The following TFG variants were observed in gnomAD, a reference collection of about 807,000 sequenced individuals.
TFG encodes the protein trafficking from ER to golgi regulator.
In TFG, 22 loss-of-function variants were observed where a neutral mutation model predicts 51.4. That is an observed-to-expected ratio of 0.43 (90% CI 0.31 to 0.61). TFG has a LOEUF of 0.61. Ranked by LOEUF, TFG falls within the 20% of genes least tolerant of loss-of-function variation. TFG has a pLI of 0.12. For synonymous variants in TFG, 187 were observed against 165.6 expected (o/e 1.13, Z -0.99); for missense variants, 419 against 487.7 (o/e 0.86, Z 1.33).
chr3:100,740,857 A>G (rs1011135659), intron 6 of TFG, among the ~76,000 whole-genome samples: 3 of 152,184 alleles, frequency 2.0e-5, no homozygotes, highest in African/African-American at 7.2e-5. Flanking sequence ...TAGCTTATAT[A>G]TAGTCATGCA....
In TFG at chr3:100,730,122, T is replaced by C. The variant is rs115063872; in HGVS notation, c.415+1264T>C. Among the ~76,000 whole-genome samples, 300 of 152,358 alleles carry C rather than the reference T, an allele frequency of 2.0e-3. 1 individual carries two copies. The highest frequency in any genetic ancestry group is 6.9e-3 in the African/African-American group (285 of 41,596). The stretch of plus-strand genomic sequence containing the variant: ...TTTTTCCAGAAGAATTCATAGATGC[T>C]GACACAACATTTGCATATAATTTCA... On this transcript the variant is annotated intron_variant, in intron 4 of 7. Coordinates refer to ENST00000240851, the MANE Select transcript of TFG (RefSeq NM_006070.6).
rs746234370 is a variant in TFG, at chr3:100,728,816, C to G, written c.373C>G (p.Pro125Ala). 2 of 1,610,210 alleles carry G rather than the reference C, an allele frequency of 1.2e-6. No homozygotes were observed. The highest frequency in any genetic ancestry group is 1.7e-6 in the Non-Finnish European group (2 of 1,178,238). ...GAATCGTTTATTGGATAGCTTGGAA[C>G]CACCTGGAGAACCAGGACCTTCCAC... ...KVNRLLDSLEPPGEPGPSTNI... is the reference protein window; with the variant it reads ...KVNRLLDSLEAPGEPGPSTNI... The change falls in exon 4 of 8, where the codon CCA becomes GCA. Residue 125 changes from proline (P) to alanine (A), a missense_variant. Pro to Ala is a conservative substitution (Grantham distance 27). Around this residue, in one of 3 missense-constraint regions of TFG, gnomAD observed 391 missense variants for 434.4 expected, o/e 0.90. Transcript: ENST00000240851.
intron 4 of TFG, among the ~76,000 whole-genome samples, chr3:100,730,123 G>A (rs1263278186): frequency 6.6e-6 from 1 of 152,162 alleles, no homozygotes; most frequent in African/African-American, 2.4e-5. Flanking sequence ...CATAGATGCT[G>A]ACACAACATT....
intron 3 of TFG, among the ~76,000 whole-genome samples, chr3:100,723,750 T>C (rs994925169): frequency 3.3e-5 from 5 of 152,036 alleles, no homozygotes; most frequent in African/African-American, 9.7e-5. Flanking sequence ...ATCAATAAAT[T>C]TACAATTATG....
rs144700412 is a variant in TFG, at chr3:100,717,342, C to T, written c.185-2633C>T. On this transcript the variant is annotated intron_variant, in intron 2 of 7. Coordinates refer to ENST00000240851, the MANE Select transcript of TFG (RefSeq NM_006070.6). ...TATATTTTGAGGTCAGTAAGTGTGA[C>T]ACCTTCAGCTTTGTTCTTTGCTCAG... Among the ~76,000 whole-genome samples, 809 of 152,228 alleles carry T rather than the reference C, an allele frequency of 5.3e-3. 16 individuals are homozygous for T. The highest frequency in any genetic ancestry group is 3.4e-3 in the Non-Finnish European group (229 of 68,010).
At chr3:100,736,249 A>C (rs1036301470) in intron 5 of TFG, among the ~76,000 whole-genome samples, 2 of 152,112 alleles carry the variant, frequency 1.3e-5, no homozygotes, top group African/African-American at 4.8e-5. Context: ...ATGAAGTGAC[A>C]ATTTTGGTTC....
At chr3:100,745,582 C>G (rs529180362) in intron 7 of TFG, among the ~76,000 whole-genome samples, 10 of 152,262 alleles carry the variant, frequency 6.6e-5, no homozygotes, top group African/African-American at 2.4e-4. Context: ...GTAACTTTGG[C>G]TATAATTCCA....
At chr3:100,735,463 A>G (rs2095103866) in intron 5 of TFG, among the ~76,000 whole-genome samples, 1 of 152,314 alleles carries the variant, frequency 6.6e-6, no homozygotes, top group East Asian at 1.9e-4. Context: ...TAATCCTCAC[A>G]ATAACCTTAT....
chr3:100,713,710 G>A lies in TFG; in HGVS notation c.25G>A (p.Gly9Arg), dbSNP rs200716443. The A allele has an allele frequency of 5.0e-6, 8 of 1,607,550 alleles. No individual in the cohort carries two copies. The highest frequency in any genetic ancestry group is 3.3e-5 in the Admixed American group (2 of 59,822). ...CATGAACGGACAGTTGGATCTAAGTGGGAAGCTAATCATCAAAGCTCAACT... is the reference window on the plus strand; with the variant it reads ...CATGAACGGACAGTTGGATCTAAGTAGGAAGCTAATCATCAAAGCTCAACT... MNGQLDLS[G>R]KLIIKAQLGE... is the part of the protein sequence containing the mutation. The change falls in exon 2 of 8, where the codon GGG becomes AGG. Residue 9 changes from glycine to arginine, a missense_variant. Transcript: ENST00000240851.
intron 4 of TFG, among the ~76,000 whole-genome samples, chr3:100,731,338 C>T (rs578170566): frequency 6.6e-6 from 1 of 152,210 alleles, no homozygotes; most frequent in South Asian, 2.1e-4. Context: ...AATTCTTGAA[C>T]TCTTTTTCTT....
intron 4 of TFG, among the ~76,000 whole-genome samples, chr3:100,729,669 TAAAA>T (rs2095086120): frequency 6.6e-6 from 1 of 152,128 alleles, no homozygotes. Context: ...AATAGTAATT[TAAAA>T]AAAGTCTAGA....
chr3:100,744,696 TA>T, intron 6 of TFG, 136 bp from the exon 7 acceptor site: 2 of 562,306 alleles, frequency 3.6e-6, no homozygotes, highest in South Asian at 2.8e-5. Flanking sequence ...CATAGACATT[TA>T]AAGTTGAACA....
At chr3:100,725,910 T>A (rs903687027) in intron 3 of TFG, among the ~76,000 whole-genome samples, 5 of 152,356 alleles carry the variant, frequency 3.3e-5, no homozygotes, top group African/African-American at 1.2e-4. Flanking sequence ...CTAATGAAGA[T>A]ACATTATTAT....
chr3:100,727,340 C>A (rs76786969), intron 3 of TFG, among the ~76,000 whole-genome samples: 1 of 150,092 alleles, frequency 6.7e-6, no homozygotes, highest in Non-Finnish European at 1.5e-5. Flanking sequence ...TATTGAACTT[C>A]ATAGCTATGC....
chr3:100,732,426 C>G, intron 4 of TFG, 82 bp from the exon 5 acceptor site: 1 of 897,478 alleles, frequency 1.1e-6, no homozygotes, highest in African/African-American at 1.7e-5. Context: ...TATACACCTG[C>G]ATTATTTCCC....
chr3:100,725,713 A>T (rs554098922), intron 3 of TFG, among the ~76,000 whole-genome samples: 44 of 151,634 alleles, frequency 2.9e-4, no homozygotes, highest in African/African-American at 1.0e-3. Flanking sequence ...AGAATTGCTG[A>T]ACCTGGGAGG....
chr3:100,736,705 G>A lies in TFG; in HGVS notation c.710G>A (p.Gly237Asp). 1 of 1,613,862 alleles carries A rather than the reference G, an allele frequency of 6.2e-7. No homozygotes were observed. The highest frequency in any genetic ancestry group is 8.5e-7 in the Non-Finnish European group (1 of 1,179,890). The change falls in exon 6 of 8, where the codon GGT (glycine) becomes GAT (aspartate). Residue 237 changes from glycine (G) to aspartate (D), a missense_variant. By Grantham distance (94) the Gly-to-Asp change is moderately conservative (BLOSUM62 -1). Coordinates refer to ENST00000240851, the MANE Select transcript of TFG (RefSeq NM_006070.6). ...PPYTGAQTQA[G>D]QIEGQMYQQY... ...TATACAGGAGCTCAGACTCAAGCAG[G>A]TCAGATTGAAGGTAAAATAGAGTTT...
intron 3 of TFG, among the ~76,000 whole-genome samples, chr3:100,727,172 C>G (rs1256104895): frequency 6.6e-6 from 1 of 152,140 alleles, no homozygotes; most frequent in Non-Finnish European, 1.5e-5. Flanking sequence ...AACACCACAG[C>G]CTACCTGTGA....
chr3:100,743,853 TTTGA>T (rs1171733579), intron 6 of TFG: 1 of 152,130 alleles, frequency 6.6e-6, no homozygotes, highest in Non-Finnish European at 1.5e-5. Flanking sequence ...CTCATAGTCT[TTTGA>T]TTAATAGGTA....
Sources: allele counts gnomAD v4.1 joint callset (sites outside exome capture counted in the v4.1 genomes callset), GRCh38; gene constraint gnomAD v4.1.1; regional missense constraint gnomAD v4.1.1; transcripts MANE v1.5; gene names NCBI Gene and HGNC (gene_info 2026-07-23, HGNC 2026-07-21).